Variants in ARID2 observed in about 807,000 individuals in gnomAD.
ARID2 encodes AT-rich interaction domain 2.
In ARID2, 32 loss-of-function variants were observed where a neutral mutation model predicts 184.6. The observed-to-expected ratio is 0.17, with a 90% confidence interval of 0.13 to 0.23. The LOEUF (loss-of-function observed/expected upper bound fraction) is 0.23. Among genes scored for constraint, ARID2 ranks in the 10% least tolerant of loss-of-function variants. The pLI is 1.00. For missense variants in ARID2, 1,696 were observed against 2,197.6 expected (o/e 0.77, Z 4.56); for synonymous variants, 836 against 772.6 (o/e 1.08, Z -1.36).
intron 16 of ARID2, among the ~76,000 whole-genome samples, chr12:45,865,969 A>G (rs981763619): frequency 2.0e-5 from 3 of 152,112 alleles, no homozygotes; most frequent in African/African-American, 7.2e-5. Context: ...TTTAAATTCC[A>G]AAAATAGCGT....
At chr12:45,785,528 C>T (rs144328869) in intron 3 of ARID2, among the ~76,000 whole-genome samples, 10 of 152,164 alleles carry the variant, frequency 6.6e-5, no homozygotes, top group African/African-American at 1.7e-4. Flanking sequence ...CTAAGTACAA[C>T]GCCCCTGGGT....
intron 3 of ARID2, among the ~76,000 whole-genome samples, chr12:45,808,584 T>C (rs1942643070): frequency 6.6e-6 from 1 of 152,092 alleles, no homozygotes; most frequent in Non-Finnish European, 1.5e-5. Flanking sequence ...ATATATATGG[T>C]TTATTATGAG....
intron 3 of ARID2, among the ~76,000 whole-genome samples, chr12:45,757,413 A>G (rs1031622443): frequency 2.6e-5 from 4 of 152,320 alleles, no homozygotes; most frequent in Admixed American, 1.3e-4. Flanking sequence ...CGTATCACTC[A>G]CAGGGTAAAT....
In ARID2 at chr12:45,852,548, C is replaced by T; in HGVS notation, c.4425C>T (p.Thr1475=). ...PSVVVSPHST[T]SVIQGHQIIA... ...TAGTTGTCTCACCACATTCTACAACCTCTGTTATACAGGGACATCAAATCA... is the reference window on the plus strand; with the variant it reads ...TAGTTGTCTCACCACATTCTACAACTTCTGTTATACAGGGACATCAAATCA... Residue 1475 remains threonine (T), a synonymous_variant, in exon 15 of 21, where the codon ACC becomes ACT. Transcript: ENST00000334344. 6.2e-7 allele frequency: 1 copy of T among 1,614,184 alleles called. No homozygotes were observed. The highest frequency in any genetic ancestry group is 8.5e-7 in the Non-Finnish European group (1 of 1,180,032).
At chr12:45,730,258 T>G in intron 2 of ARID2, 121 bp downstream of exon 2, 1 of 882,682 alleles carries the variant, frequency 1.1e-6, no homozygotes, top group Non-Finnish European at 1.6e-6. Flanking sequence ...GGCGTTCTTT[T>G]CGCTCCCAGC....
chr12:45,873,316 G>A (rs554596293), intron 16 of ARID2, among the ~76,000 whole-genome samples: 14 of 151,844 alleles, frequency 9.2e-5, no homozygotes, highest in Admixed American at 3.3e-4. Flanking sequence ...CTTTTAATTC[G>A]TGTATTTAGA....
intron 3 of ARID2, among the ~76,000 whole-genome samples, chr12:45,771,640 G>A (rs955677357): frequency 6.6e-6 from 1 of 151,518 alleles, no homozygotes; most frequent in Non-Finnish European, 1.5e-5. Context: ...ACCACTGTAC[G>A]CTAGCCTGGG....
chr12:45,841,257 C>T (rs1047595672), intron 11 of ARID2: 1 of 152,100 alleles, frequency 6.6e-6, no homozygotes, highest in African/African-American at 2.4e-5. Context: ...TTCTTTTGAC[C>T]TCAGCAAATG....
chr12:45,875,909 A>G (rs996587131), intron 16 of ARID2, among the ~76,000 whole-genome samples: 2 of 152,250 alleles, frequency 1.3e-5, no homozygotes, highest in African/African-American at 4.8e-5. Context: ...AACTGTCTCC[A>G]TATCAGCAAG....
chr12:45,741,028 T>C (rs576366159), intron 3 of ARID2, among the ~76,000 whole-genome samples: 3 of 152,320 alleles, frequency 2.0e-5, no homozygotes, highest in Admixed American at 6.5e-5. Context: ...CATGAAACTA[T>C]TTTGCTTACC....
Position 45,837,078 on chromosome 12 carries a change from A to T in ARID2, c.1023+87A>T, listed in dbSNP as rs554792209. The T allele has an allele frequency of 9.7e-4, 1,437 of 1,485,930 alleles. 3 individuals are homozygous for T. The highest frequency in any genetic ancestry group is 1.2e-3 in the Non-Finnish European group (1,281 of 1,109,706). The allele number at this position is 1,485,930 out of a possible 1,614,324, so 92.0% of individuals were successfully genotyped here. ...TAGGATGTGGCATTTTATAGTTGCC[A>T]TATTTATAGACTATTAAATGCTTAC... On this transcript the variant is annotated intron_variant, in intron 8 of 20. Transcript: ENST00000334344.
In ARID2 at chr12:45,851,686, G is replaced by A. The variant is rs1410406371; in HGVS notation, c.3563G>A (p.Ser1188Asn). 1.9e-6 allele frequency: 3 copies of A among 1,614,010 alleles called. No individual in the cohort carries two copies. The highest frequency in any genetic ancestry group is 4.5e-5 in the East Asian group (2 of 44,888). ...PNTSFAPATV[S>N]QGNATQLIAP... The stretch of plus-strand genomic sequence containing the variant: ...ACGAGTTTTGCACCTGCAACTGTGA[G>A]TCAGGGAAATGCAACTCAGCTCATT... The change falls in exon 15 of 21, where the codon AGT becomes AAT. Residue 1188 changes from serine to asparagine, a missense_variant. By Grantham distance (46) the Ser-to-Asn change is conservative. This residue lies in a region of ARID2 where 428 missense variants were observed against 409.1 expected (regional missense o/e 1.05). Transcript: ENST00000334344.
intron 3 of ARID2, among the ~76,000 whole-genome samples, chr12:45,806,441 G>C (rs1565603281): frequency 6.6e-6 from 1 of 151,972 alleles, no homozygotes; most frequent in East Asian, 1.9e-4. Context: ...TATTGCTTCT[G>C]TTTCATTTAT....
chr12:45,803,842 T>C (rs1181842618), intron 3 of ARID2, among the ~76,000 whole-genome samples: 2 of 152,184 alleles, frequency 1.3e-5, no homozygotes, highest in African/African-American at 4.8e-5. Flanking sequence ...AGATAATACA[T>C]CTTTAAGTTG....
rs183857239 is a variant in ARID2, at chr12:45,789,977, G to A, written c.285-21441G>A. Among the ~76,000 whole-genome samples, 61 of 152,134 alleles carry A rather than the reference G, an allele frequency of 4.0e-4. 1 individual carries two copies. The highest frequency in any genetic ancestry group is 1.4e-3 in the African/African-American group (60 of 41,504). ...CAAAAAAACCAAAACAAAACAAAACGATTTTGTCTTTTATTAATAGAGCAG... is the reference window on the plus strand; with the variant it reads ...CAAAAAAACCAAAACAAAACAAAACAATTTTGTCTTTTATTAATAGAGCAG... On this transcript the variant is annotated intron_variant, in intron 3 of 20. Transcript: ENST00000334344.
chr12:45,798,627 A>T (rs920061867), intron 3 of ARID2, among the ~76,000 whole-genome samples: 1 of 152,190 alleles, frequency 6.6e-6, no homozygotes, highest in Non-Finnish European at 1.5e-5. Context: ...TTCTAAAAGT[A>T]AGGTACTTGA....
At chr12:45,765,514 G>GTTTT (rs561418730) in intron 3 of ARID2, among the ~76,000 whole-genome samples, 1 of 140,652 alleles carries the variant, frequency 7.1e-6, no homozygotes, top group East Asian at 2.1e-4. Context: ...CCTGGCCTCG[G>GTTTT]TTTTTTTTTT....
chr12:45,839,907 C>T (rs1213335874), intron 11 of ARID2: 1 of 161,430 alleles, frequency 6.2e-6, no homozygotes, highest in Admixed American at 5.9e-5. Flanking sequence ...TTCTAATGTC[C>T]TTAAGTGTTG....
chr12:45,907,440 C>G lies in ARID2; in HGVS notation c.*2362C>G, dbSNP rs543725691. ...CCTCATTGAATTGCATGCTGTAGTT[C>G]TAGCTTTTCTGCTATAATATGTAAA... On this transcript the variant is annotated 3_prime_UTR_variant, in exon 21 of 21. Transcript: ENST00000334344. 7 of 233,358 alleles carry G rather than the reference C, an allele frequency of 3.0e-5. No individual in the cohort carries two copies. The East Asian group carries it at 3.6e-4, about 12-fold the overall frequency. The allele number at this position is 233,358 out of a possible 1,614,324, so 14.5% of individuals were successfully genotyped here. A position where few individuals can be genotyped will look rare whatever the true frequency, so the allele number is the denominator to read the frequency against.
Sources: allele counts gnomAD v4.1 joint callset (sites outside exome capture counted in the v4.1 genomes callset), GRCh38; gene constraint gnomAD v4.1.1; regional missense constraint gnomAD v4.1.1; transcripts MANE v1.5; gene names NCBI Gene and HGNC (gene_info 2026-07-23, HGNC 2026-07-21).